The following COL4A5 variants were observed in gnomAD, a reference collection of about 807,000 sequenced individuals.
The protein encoded by COL4A5 is collagen alpha-5(IV) chain.
A neutral mutation model predicts 130.2 loss-of-function variants in COL4A5; 26 were observed. That is an observed-to-expected ratio of 0.20 (90% CI 0.15 to 0.28). The LOEUF is 0.28. COL4A5 is among the 10% of genes least tolerant of loss of function. COL4A5 has a pLI of 1.00. For synonymous variants in COL4A5, 496 were observed against 439.6 expected, an observed-to-expected ratio of 1.13 and a Z score of -1.60; for missense variants, 1,131 against 1,344.3, an observed-to-expected ratio of 0.84 and a Z score of 2.48.
At chrX:108,599,455 TTATG>T (rs1166343862) in intron 25 of COL4A5, among the ~76,000 whole-genome samples, 1 of 92,965 alleles carries the variant, frequency 1.1e-5, no homozygotes, top group African/African-American at 4.2e-5. Flanking sequence ...GTATGTATGT[TTATG>T]TGTGTGTGTG....
chrX:108,507,219 A>G (rs868501474), intron 1 of COL4A5, among the ~76,000 whole-genome samples: 2 of 104,281 alleles, frequency 1.9e-5, no homozygotes, highest in African/African-American at 7.1e-5. Flanking sequence ...CCTGATACCA[A>G]AACCTGGCAG....
chrX:108,692,067 A>G (rs955723760), intron 49 of COL4A5, among the ~76,000 whole-genome samples: 1 of 112,090 alleles, frequency 8.9e-6, no homozygotes, highest in African/African-American at 3.2e-5. Flanking sequence ...GTTAACTTTC[A>G]AAAGTGTAAG....
At chrX:108,589,125 A>G (rs1427641128) in intron 19 of COL4A5, among the ~76,000 whole-genome samples, 1 of 111,787 alleles carries the variant, frequency 8.9e-6, no homozygotes, top group East Asian at 2.8e-4. Context: ...CTATAATTGT[A>G]AACATTATTA....
chrX:108,586,597 T>C lies in COL4A5; in HGVS notation c.1033-18T>C. 1 of 1,193,340 alleles carries C rather than the reference T, an allele frequency of 8.4e-7. No homozygotes were observed. Among genetic ancestry groups the C allele is most frequent in the Non-Finnish European group, 1.1e-6 (1 of 882,044 alleles). On this transcript the variant is annotated intron_variant, in intron 18 of 52. Coordinates refer to ENST00000328300, the MANE Select transcript of COL4A5 (RefSeq NM_033380.3). Reference sequence around the variant, plus strand: ...TCTTCTTTGCATTTCTTTATTTTTTTTTTCTTTGGTAATAAAGGTAATTCC... The same window carrying C: ...TCTTCTTTGCATTTCTTTATTTTTTCTTTCTTTGGTAATAAAGGTAATTCC...
chrX:108,452,904 A>G (rs1313732544), intron 1 of COL4A5, among the ~76,000 whole-genome samples: 1 of 110,848 alleles, frequency 9.0e-6, no homozygotes, highest in African/African-American at 3.3e-5. Flanking sequence ...GTCTTGTGCC[A>G]GTTTTCAAAG....
intron 1 of COL4A5, among the ~76,000 whole-genome samples, chrX:108,497,381 C>T (rs1394538492): frequency 1.8e-5 from 2 of 111,147 alleles, no homozygotes; most frequent in East Asian, 5.7e-4. Flanking sequence ...TGGGTATATA[C>T]CTAGAAGTAG....
chrX:108,655,220 T>A, intron 36 of COL4A5, 111 bp from the exon 37 acceptor site: 1 of 846,110 alleles, frequency 1.2e-6, no homozygotes, highest in Non-Finnish European at 1.7e-6. Flanking sequence ...TTACATCAAG[T>A]ACTTACTGGA....
chrX:108,649,280 T>A (rs2067672428), intron 36 of COL4A5, among the ~76,000 whole-genome samples: 1 of 111,861 alleles, frequency 8.9e-6, no homozygotes, highest in Non-Finnish European at 1.9e-5. Flanking sequence ...TGGAAACACA[T>A]CCCATGCTCA....
At chrX:108,660,460 A>C (rs1430802737) in intron 37 of COL4A5, among the ~76,000 whole-genome samples, 3 of 111,919 alleles carry the variant, frequency 2.7e-5, no homozygotes, top group African/African-American at 9.7e-5. Flanking sequence ...ATTTATCTGC[A>C]AATGTCTTTG....
chrX:108,682,916 A>G (rs1286688963), intron 47 of COL4A5, among the ~76,000 whole-genome samples: 3 of 111,521 alleles, frequency 2.7e-5, no homozygotes, highest in South Asian at 3.7e-4. Context: ...CCATTTGTCA[A>G]TTTTGGCTTT....
intron 1 of COL4A5, among the ~76,000 whole-genome samples, chrX:108,528,065 G>A (rs1428501580): frequency 2.7e-5 from 3 of 112,006 alleles, no homozygotes; most frequent in Non-Finnish European, 5.6e-5. Context: ...GGAGGCCTAA[G>A]AATAGGCCCA....
intron 29 of COL4A5, among the ~76,000 whole-genome samples, chrX:108,610,491 G>T (rs1278059342): frequency 1.8e-5 from 2 of 111,892 alleles, no homozygotes; most frequent in Non-Finnish European, 3.8e-5. Flanking sequence ...AACACTCAAA[G>T]TTACAAGTTG....
chrX:108,696,091 G>A (rs939992973), intron 52 of COL4A5: 2 of 409,211 alleles, frequency 4.9e-6, no homozygotes, highest in African/African-American at 5.1e-5. Context: ...TAGTGGTGGG[G>A]AGAATCGTTA....
At chrX:108,450,315 A>G (rs1389556381) in intron 1 of COL4A5, among the ~76,000 whole-genome samples, 1 of 111,522 alleles carries the variant, frequency 9.0e-6, no homozygotes, top group Non-Finnish European at 1.9e-5. Context: ...GCTGGTCTTG[A>G]ACTCCTGGCC....
At chrX:108,620,187 A>G (rs2067010453) in intron 30 of COL4A5, 72 bp from the exon 31 acceptor site, 1 of 931,319 alleles carries the variant, frequency 1.1e-6, no homozygotes, top group Non-Finnish European at 1.6e-6. Context: ...TCACTTGTTT[A>G]CTAGAAATAT....
intron 47 of COL4A5, among the ~76,000 whole-genome samples, chrX:108,683,716 A>T (rs898898144): frequency 9.0e-6 from 1 of 111,522 alleles, no homozygotes; most frequent in African/African-American, 3.3e-5. Flanking sequence ...GGTGTATAGG[A>T]ATGCTTGTGA....
intron 37 of COL4A5, among the ~76,000 whole-genome samples, chrX:108,663,790 A>G: frequency 8.9e-6 from 1 of 111,897 alleles, no homozygotes; most frequent in East Asian, 2.8e-4. Context: ...TCATAGATTC[A>G]AAGTGATTCC....
intron 2 of COL4A5, among the ~76,000 whole-genome samples, chrX:108,547,410 G>T (rs2065676821): frequency 8.9e-6 from 1 of 111,783 alleles, no homozygotes; most frequent in African/African-American, 3.3e-5. Flanking sequence ...AGCAGCAGAG[G>T]CTGCACAAGA....
chrX:108,671,143 C>T lies in COL4A5; in HGVS notation c.3799+907C>T, dbSNP rs1043346360. Among the ~76,000 whole-genome samples, 7 of 111,294 alleles carry T rather than the reference C, an allele frequency of 6.3e-5. No homozygotes were observed. The Admixed American group carries it at 6.7e-4, about 11-fold the overall frequency. ...ACCAAAGAACAATTACCAAGAGCTA[C>T]CTAATGGAAAATTGCTGATTCTTAG... On this transcript the variant is annotated intron_variant, in intron 42 of 52. Transcript: ENST00000328300.
Sources: allele counts gnomAD v4.1 joint callset (sites outside exome capture counted in the v4.1 genomes callset), GRCh38; gene constraint gnomAD v4.1.1; transcripts MANE v1.5; gene names NCBI Gene and HGNC (gene_info 2026-07-23, HGNC 2026-07-21).